TPGS2: variants seen among roughly 807,000 people sequenced by gnomAD.
The protein encoded by TPGS2 is polyglutamylase subunit 2.
TPGS2 carries 26 observed loss-of-function variants against 31.1 expected under a neutral mutation model. The observed-to-expected ratio is 0.84, with a 90% CI of 0.61 to 1.16. TPGS2 has a LOEUF of 1.16. TPGS2 is among the 50% of genes most tolerant of loss of function. The pLI is 0.00. For missense variants in TPGS2, 351 were observed against 363.8 expected, an observed-to-expected ratio of 0.96 and a Z score of 0.29; for synonymous variants, 130 against 136.6, an observed-to-expected ratio of 0.95 and a Z score of 0.34.
chr18:36,789,399 CAT>C (rs972427581), downstream of TPGS2: 7 of 152,130 alleles, frequency 4.6e-5, no homozygotes, highest in Non-Finnish European at 7.3e-5. Context: ...AGCCACTAGA[CAT>C]ATGTGATTAC....
At chr18:36,814,310 G>T (rs1331053061) in intron 2 of TPGS2, among the ~76,000 whole-genome samples, 1 of 152,162 alleles carries the variant, frequency 6.6e-6, no homozygotes, top group East Asian at 1.9e-4. Context: ...CAAAAGGCAG[G>T]TAGCAGGCAC....
Position 36,786,747 on chromosome 18 carries a change from T to C in TPGS2, c.658-3616A>G, listed in dbSNP as rs1041505850. 4.2e-6 allele frequency: 5 copies of C among 1,184,864 alleles called. No homozygotes were observed. The African/African-American group carries it at 6.3e-5, about 15-fold the overall frequency. 73.4% of individuals were successfully genotyped at this position (1,184,864 alleles called of 1,614,324 possible). A position where few individuals can be genotyped will look rare whatever the true frequency, so the allele number is the denominator to read the frequency against. On this transcript the variant is annotated intron_variant, in intron 6 of 6. Coordinates refer to the TPGS2 transcript ENST00000587129. ...CATCCTGTTATGGTCAGAAACTCAG[T>C]TTCTAAGGTTCTCTGGAGTCCCCTT...
rs557784630 is a variant in TPGS2, at chr18:36,806,530, A to G, written c.254-1028T>C. ...AGGAAATGATTCTAAGATAAAAGCTAATGTTCAATATTCACTAGCAAGCTA... is the reference window on the plus strand; with the variant it reads ...AGGAAATGATTCTAAGATAAAAGCTGATGTTCAATATTCACTAGCAAGCTA... On this transcript the variant is annotated intron_variant, in intron 3 of 6. Transcript: ENST00000334295. Among the ~76,000 whole-genome samples the G allele has an allele frequency of 1.2e-4, 18 of 152,226 alleles. No individual in the cohort carries two copies. In the South Asian group the frequency reaches 3.5e-3, roughly 30 times the overall value.
chr18:36,795,559 G>A lies in TPGS2; in HGVS notation c.*1246C>T, dbSNP rs1280600507. The A allele has an allele frequency of 1.0e-6, 1 of 985,456 alleles. No homozygotes were observed. The highest frequency in any genetic ancestry group is 1.1e-4 in the East Asian group (1 of 8,816). The allele number at this position is 985,456 out of a possible 1,614,324, so 61.0% of individuals were successfully genotyped here. ...TTCTGCCCACAGCCAGGACTGTAGA[G>A]GGAGGAAATAAATAGGCATTCCTAA... On this transcript the variant is annotated 3_prime_UTR_variant, in exon 7 of 7. Coordinates refer to ENST00000334295, the MANE Select transcript of TPGS2 (RefSeq NM_015476.4).
chr18:36,828,834 G>T lies in TPGS2; in HGVS notation c.-67C>A. The T allele has an allele frequency of 6.4e-7, 1 of 1,572,592 alleles. No individual in the cohort carries two copies. The highest frequency in any genetic ancestry group is 8.7e-7 in the Non-Finnish European group (1 of 1,151,908). ...GGCCGGACCCCGCCTCAGCGCCGAG[G>T]CCAATTTCATGGCATGCCGGGAACG... On this transcript the variant is annotated 5_prime_UTR_variant, in exon 1 of 7. Transcript: ENST00000334295.
Position 36,796,727 on chromosome 18 carries a change from A to T in TPGS2, c.*78T>A, listed in dbSNP as rs2044542928. ...AAGAGGCCTACGGTCCACACGCAAA[A>T]CTGGAGGTCACCCCTAGGGCCATCT... is the stretch of plus-strand genomic sequence containing the variant. On this transcript the variant is annotated 3_prime_UTR_variant, in exon 7 of 7. Transcript: ENST00000334295. 2 of 1,520,940 alleles carry T rather than the reference A, an allele frequency of 1.3e-6. No individual in the cohort carries two copies. The highest frequency in any genetic ancestry group is 1.7e-6 in the Non-Finnish European group (2 of 1,143,342). The allele number at this position is 1,520,940 out of a possible 1,614,324, so 94.2% of individuals were successfully genotyped here. A position where few individuals can be genotyped will look rare whatever the true frequency, so the allele number is the denominator to read the frequency against.
rs1392930411 is a variant in TPGS2 at position 36,805,515 on chromosome 18, G to A, written c.254-13C>T. ...GGAATGATGTGCTCTAGGGGAACAT[G>A]CGTTAAGGAGAATTACATGGAGTAA... is the stretch of plus-strand genomic sequence containing the variant. On this transcript the variant is annotated splice_polypyrimidine_tract_variant and intron_variant, in intron 3 of 6. Coordinates refer to ENST00000334295, the MANE Select transcript of TPGS2 (RefSeq NM_015476.4). The A allele has an allele frequency of 1.9e-6, 3 of 1,613,782 alleles. No individual in the cohort carries two copies. Among genetic ancestry groups the A allele is most frequent in the African/African-American group, 2.7e-5 (2 of 74,902 alleles).
rs1698748253 is a variant in TPGS2 at position 36,807,859 on chromosome 18, C to G, written c.241G>C (p.Val81Leu). 1 of 1,613,980 alleles carries G rather than the reference C, an allele frequency of 6.2e-7. No homozygotes were observed. The highest frequency in any genetic ancestry group is 1.7e-5 in the Admixed American group (1 of 60,004). ...GAGGCTGACTCACCATCCAGCTTCA[C>G]ACTCCATGTCATGTGGAAGCCATTG... The part of the protein sequence containing the change: ...MTNGFHMTWS[V>L]KLDEHIIPLG... Residue 81 changes from valine (V) to leucine (L), a missense_variant, in exon 3 of 7, where the codon GTG (valine) becomes CTG (leucine). By Grantham distance (32) the Val-to-Leu change is conservative. Transcript: ENST00000334295.
rs527839914 is a variant in TPGS2, at chr18:36,795,520, G to A, written c.*1285C>T. The A allele has an allele frequency of 1.3e-4, 124 of 985,440 alleles. 1 individual carries two copies. In the South Asian group the frequency reaches 5.1e-3, roughly 40 times the overall value. 61.0% of individuals were successfully genotyped at this position (985,440 alleles called of 1,614,324 possible). A position where few individuals can be genotyped will look rare whatever the true frequency, so the allele number is the denominator to read the frequency against. ...CCCCACTTTCCCTGTTGGGAAGCAG[G>A]GTGAAGGCCTTGCTTCTGCCCACAG... is the stretch of plus-strand genomic sequence containing the variant. On this transcript the variant is annotated 3_prime_UTR_variant, in exon 7 of 7. Coordinates refer to ENST00000334295, the MANE Select transcript of TPGS2 (RefSeq NM_015476.4).
At chr18:36,822,359 C>A (rs1011409341) in intron 1 of TPGS2, among the ~76,000 whole-genome samples, 1 of 152,164 alleles carries the variant, frequency 6.6e-6, no homozygotes, top group East Asian at 1.9e-4. Flanking sequence ...GTCTTTTCCC[C>A]CTGCTAATCA....
rs763479395 is a variant in TPGS2, at chr18:36,828,723, C to T, written c.45G>A (p.Pro15=). 7 of 1,614,132 alleles carry T rather than the reference C, an allele frequency of 4.3e-6. No homozygotes were observed. The highest frequency in any genetic ancestry group is 5.9e-6 in the Non-Finnish European group (7 of 1,180,004). ...ASSPGLGCSK[P]HLEKLTLGIT... is the part of the protein sequence containing the mutation. ...TGCCCAGGGTCAGCTTCTCCAGGTG[C>T]GGCTTGCTGCAGCCCAGCCCCGGGG... The change falls in exon 1 of 7, where the codon CCG becomes CCA. Residue 15 remains proline, a synonymous_variant. Coordinates refer to ENST00000334295, the MANE Select transcript of TPGS2 (RefSeq NM_015476.4).
At chr18:36,798,336 C>A in intron 6 of TPGS2, 113 bp downstream of exon 6, 2 of 1,543,362 alleles carry the variant, frequency 1.3e-6, no homozygotes, top group Non-Finnish European at 8.7e-7. Flanking sequence ...TTCCTGGGCC[C>A]CACCCTAGAT....
At chr18:36,808,715 T>C (rs913502929) in intron 2 of TPGS2, among the ~76,000 whole-genome samples, 2 of 151,960 alleles carry the variant, frequency 1.3e-5, no homozygotes, top group African/African-American at 2.4e-5. Flanking sequence ...TCTTAGAAGG[T>C]AACCATATAT....
intron 1 of TPGS2, 57 bp downstream of exon 1, chr18:36,828,626 T>A: frequency 6.3e-7 from 1 of 1,594,988 alleles, no homozygotes; most frequent in South Asian, 1.1e-5. Context: ...ACCTCATCCC[T>A]CCGCTCCTCC....
chr18:36,808,271 A>G (rs2045260893), intron 2 of TPGS2, among the ~76,000 whole-genome samples: 1 of 152,206 alleles, frequency 6.6e-6, no homozygotes. Flanking sequence ...AAAGTCTGAC[A>G]ATGTTCAAGC....
intron 2 of TPGS2, among the ~76,000 whole-genome samples, chr18:36,810,231 G>A (rs2045358550): frequency 6.6e-6 from 1 of 152,184 alleles, no homozygotes; most frequent in South Asian, 2.1e-4. Context: ...GCTCTTCTGA[G>A]TGGGGCAAAT....
At chr18:36,827,030 ATTTTT>A (rs904205856) in intron 1 of TPGS2, among the ~76,000 whole-genome samples, 2 of 151,546 alleles carry the variant, frequency 1.3e-5, no homozygotes, top group Non-Finnish European at 2.9e-5. Flanking sequence ...ATATTAATTG[ATTTTT>A]TTTAAGTTTC....
At chr18:36,828,410 C>T (rs1399090857) in intron 1 of TPGS2, among the ~76,000 whole-genome samples, 1 of 152,176 alleles carries the variant, frequency 6.6e-6, no homozygotes, top group African/African-American at 2.4e-5. Context: ...CTTTGCACGT[C>T]TCTGCCCGTC....
At chr18:36,789,985 T>G (rs2044252090), downstream of TPGS2, 1 of 152,586 alleles carries the variant, frequency 6.6e-6, no homozygotes, top group Admixed American at 6.5e-5. Flanking sequence ...ATCAGCAGCG[T>G]GAAAATGGAC....
Sources: gnomAD v4.1 joint callset for allele counts (sites outside exome capture counted in the v4.1 genomes callset) on GRCh38, gnomAD v4.1.1 for gene constraint, MANE v1.5 for transcripts, NCBI Gene and HGNC (gene_info 2026-07-23, HGNC 2026-07-21) for gene names.